Variants in STAU2 observed in about 807,000 individuals in gnomAD.
STAU2 encodes double-stranded RNA-binding protein Staufen homolog 2.
STAU2 carries 20 observed loss-of-function variants against 65.9 expected under a neutral mutation model. The observed-to-expected ratio is 0.30, with a 90% CI of 0.21 to 0.44. STAU2 has a LOEUF of 0.44. Ranked by LOEUF, STAU2 falls within the 20% of genes least tolerant of loss-of-function variation. The pLI is 1.00. For missense variants in STAU2, 558 were observed against 683.9 expected, an observed-to-expected ratio of 0.82 and a Z score of 2.05; for synonymous variants, 232 against 233.9, an observed-to-expected ratio of 0.99 and a Z score of 0.07.
intron 5 of STAU2, among the ~76,000 whole-genome samples, chr8:73,679,052 A>G (rs1166782990): frequency 6.6e-6 from 1 of 152,222 alleles, no homozygotes; most frequent in African/African-American, 2.4e-5. Context: ...CATAACAAAA[A>G]TATCTAAGGC....
At chr8:73,463,273 C>T (rs1251989078) in intron 13 of STAU2, among the ~76,000 whole-genome samples, 2 of 152,224 alleles carry the variant, frequency 1.3e-5, no homozygotes, top group Non-Finnish European at 2.9e-5. Context: ...TGGACTTTTG[C>T]TGGTCTATTT....
At chr8:73,654,219 G>GTAGT (rs1237903404) in intron 6 of STAU2, among the ~76,000 whole-genome samples, 1 of 152,092 alleles carries the variant, frequency 6.6e-6, no homozygotes, top group East Asian at 1.9e-4. Flanking sequence ...CCTATACATA[G>GTAGT]TAGTAAGGTG....
chr8:73,472,690 A>T (rs970452152), intron 13 of STAU2, among the ~76,000 whole-genome samples: 5 of 152,204 alleles, frequency 3.3e-5, no homozygotes, highest in African/African-American at 1.2e-4. Flanking sequence ...AGGATGGCTC[A>T]TATAATAGAG....
rs80297202 is a variant in STAU2, at chr8:73,613,343, G to A, written c.891+401C>T. On this transcript the variant is annotated intron_variant, in intron 9 of 14. Transcript: ENST00000524300. ...AGAACACTGGATTAGAGATCAGAGCGGTTCAGGAGGTTTGACATGATTGCT... is the reference window on the plus strand; with the variant it reads ...AGAACACTGGATTAGAGATCAGAGCAGTTCAGGAGGTTTGACATGATTGCT... 3.0e-3 allele frequency among the ~76,000 whole-genome samples: 456 copies of A among 152,222 alleles called. 5 individuals carry two copies. Among genetic ancestry groups the A allele is most frequent in the African/African-American group, 0.01 (432 of 41,534 alleles).
chr8:73,424,307 T>G (rs1324479027), intron 13 of STAU2, among the ~76,000 whole-genome samples: 1 of 151,344 alleles, frequency 6.6e-6, no homozygotes, highest in Admixed American at 6.6e-5. Flanking sequence ...TTCAAGTGAT[T>G]CTACTGCCTC....
chr8:73,647,277 T>C (rs948024921), intron 6 of STAU2, among the ~76,000 whole-genome samples: 1 of 152,158 alleles, frequency 6.6e-6, no homozygotes, highest in African/African-American at 2.4e-5. Context: ...AACCCATACA[T>C]AGATATTCAC....
At chr8:73,737,813 C>CT in intron 3 of STAU2, among the ~76,000 whole-genome samples, 1 of 151,702 alleles carries the variant, frequency 6.6e-6, no homozygotes, top group Middle Eastern at 3.4e-3. Context: ...AAAAGCACTT[C>CT]TTTCAGTGAG....
rs755467723 is a variant in STAU2 at position 73,552,317 on chromosome 8, G to A, written c.1225C>T (p.Pro409Ser). ...GGAGACAAATGAAGAATTCCTTTTG[G>A]AGCTATAAATAAAATGAAGAACACT... The part of the protein sequence containing the change: ...PGFPEPTNNT[P>S]KGILHLSPDV... The change falls in exon 13 of 15, where the codon CCA becomes TCA. Residue 409 changes from proline (P) to serine (S), a missense_variant and splice_region_variant. This residue lies in a region of STAU2 where 247 missense variants were observed against 270.1 expected (regional missense o/e 0.91). Coordinates refer to ENST00000524300, the MANE Select transcript of STAU2 (RefSeq NM_001164380.2). 1 of 1,607,970 alleles carries A rather than the reference G, an allele frequency of 6.2e-7. No individual in the cohort carries two copies. The highest frequency in any genetic ancestry group is 8.5e-7 in the Non-Finnish European group (1 of 1,177,026).
intron 10 of STAU2, among the ~76,000 whole-genome samples, chr8:73,602,793 G>T (rs1379120067): frequency 6.6e-6 from 1 of 151,608 alleles, no homozygotes; most frequent in East Asian, 1.9e-4. Context: ...AATATAGACT[G>T]GGTATTAGAT....
intron 3 of STAU2, among the ~76,000 whole-genome samples, chr8:73,719,334 G>T (rs1821483889): frequency 6.6e-6 from 1 of 152,048 alleles, no homozygotes; most frequent in Admixed American, 6.6e-5. Context: ...GAACTCACAA[G>T]GGGGAGCTTT....
intron 6 of STAU2, among the ~76,000 whole-genome samples, chr8:73,666,391 G>A (rs1247111461): frequency 3.3e-5 from 5 of 152,070 alleles, no homozygotes; most frequent in South Asian, 2.1e-4. Flanking sequence ...AACTTCTTTC[G>A]CCCTATCAAA....
At chr8:73,433,583 C>T (rs12674860) in intron 13 of STAU2, among the ~76,000 whole-genome samples, 31,297 of 149,496 alleles carry the variant, frequency 0.21, 3,937 homozygotes, top group East Asian at 0.5. Context: ...TCACTGCAAT[C>T]TACGCTTCCC....
chr8:73,707,371 T>C (rs1461017370), intron 4 of STAU2, among the ~76,000 whole-genome samples: 1 of 152,274 alleles, frequency 6.6e-6, no homozygotes, highest in African/African-American at 2.4e-5. Flanking sequence ...TATGCAGTTA[T>C]TGGTAATGAT....
chr8:73,597,375 G>A (rs957249089), intron 10 of STAU2, among the ~76,000 whole-genome samples: 8 of 151,822 alleles, frequency 5.3e-5, no homozygotes, highest in South Asian at 2.1e-4. Flanking sequence ...TACTGAGGCC[G>A]GGTGGAGTAG....
chr8:73,474,646 G>A (rs1415845917), intron 13 of STAU2, among the ~76,000 whole-genome samples: 1 of 151,842 alleles, frequency 6.6e-6, no homozygotes, highest in Non-Finnish European at 1.5e-5. Context: ...TGTCTTTTAG[G>A]GGAGGAAGAA....
intron 3 of STAU2, 79 bp from the exon 4 acceptor site, chr8:73,709,241 G>T: frequency 8.6e-7 from 1 of 1,164,706 alleles, no homozygotes; most frequent in Non-Finnish European, 1.1e-6. Context: ...GACTTTGAAG[G>T]TAGATTGTAT....
intron 4 of STAU2, among the ~76,000 whole-genome samples, chr8:73,701,042 A>G (rs1277359396): frequency 7.2e-5 from 11 of 152,192 alleles, no homozygotes; most frequent in Non-Finnish European, 5.9e-5. Context: ...TCTTCAATAA[A>G]TGGTACTGGG....
intron 13 of STAU2, among the ~76,000 whole-genome samples, chr8:73,460,926 G>A (rs951510975): frequency 1.3e-5 from 2 of 152,172 alleles, no homozygotes; most frequent in Non-Finnish European, 2.9e-5. Context: ...AAGACCGAGA[G>A]CCTGAACTGT....
chr8:73,626,104 G>A (rs868206253), intron 6 of STAU2, among the ~76,000 whole-genome samples: 1 of 131,432 alleles, frequency 7.6e-6, no homozygotes, highest in African/African-American at 3.2e-5. Flanking sequence ...CACACACACA[G>A]ACACATACAC....
Sources: allele counts gnomAD v4.1 joint callset (sites outside exome capture counted in the v4.1 genomes callset), GRCh38; gene constraint gnomAD v4.1.1; regional missense constraint gnomAD v4.1.1; transcripts MANE v1.5; gene names NCBI Gene and HGNC (gene_info 2026-07-23, HGNC 2026-07-21).